Variants in SLC5A11 observed in about 807,000 individuals in gnomAD.
SLC5A11 encodes the protein sodium/myo-inositol cotransporter 2.
A neutral mutation model predicts 69.8 loss-of-function variants in SLC5A11; 48 were observed. The observed-to-expected ratio is 0.69, with a 90% CI of 0.55 to 0.87. SLC5A11 has a LOEUF of 0.87. Among genes scored for constraint, SLC5A11 ranks in the 40% least tolerant of loss-of-function variants. The pLI is 0.00. For missense variants in SLC5A11, 784 were observed against 866.1 expected (o/e 0.91, Z 1.19); for synonymous variants, 319 against 342.4 (o/e 0.93, Z 0.75).
At chr16:24,901,958 G>GCACACA (rs56126191) in intron 10 of SLC5A11, among the ~76,000 whole-genome samples, 1,526 of 136,626 alleles carry the variant, frequency 0.011, 25 homozygotes, top group African/African-American at 0.034. Context: ...ACACACACAC[G>GCACACA]CACACACACA....
At chr16:24,890,881 T>C (rs1344561423) in exon 9 of SLC5A11, 1 of 1,613,974 alleles carries the variant, frequency 6.2e-7, no homozygotes, top group African/African-American at 1.3e-5. Flanking sequence ...TTCGCCGCGG[T>C]TGGTGGGATG....
chr16:24,874,645 G>A (rs910760644), intron 5 of SLC5A11, among the ~76,000 whole-genome samples: 8 of 151,980 alleles, frequency 5.3e-5, no homozygotes, highest in African/African-American at 9.7e-5. Context: ...TGCAACCTCC[G>A]CCTACCTGGG....
In SLC5A11 at chr16:24,862,854, G is replaced by C. The variant is rs530698220; in HGVS notation, c.207+182G>C. Among the ~76,000 whole-genome samples, 7 of 148,396 alleles carry C rather than the reference G, an allele frequency of 4.7e-5. No homozygotes were observed. In the South Asian group the frequency reaches 1.1e-3, roughly 22 times the overall value. On this transcript the variant is annotated intron_variant, in intron 3 of 15. Transcript: ENST00000347898. ...AAACAACAACAAAAAAAAACAATTT[G>C]TCACCTCATCTAAGGGAAAAATCTG...
chr16:24,855,707 A>T (rs570629433), intron 1 of SLC5A11, among the ~76,000 whole-genome samples: 2 of 151,904 alleles, frequency 1.3e-5, no homozygotes, highest in South Asian at 4.1e-4. Flanking sequence ...AAAATAAAAC[A>T]AAAAGGCTTG....
At chr16:24,877,889 C>A (rs1467091964) in intron 7 of SLC5A11, among the ~76,000 whole-genome samples, 14 of 152,236 alleles carry the variant, frequency 9.2e-5, no homozygotes, top group Non-Finnish European at 1.5e-5. Context: ...GAGGCCGAGG[C>A]AGGAGAATCA....
chr16:24,848,429 C>T (rs1047018033), intron 1 of SLC5A11, among the ~76,000 whole-genome samples: 2 of 152,076 alleles, frequency 1.3e-5, no homozygotes, highest in African/African-American at 4.8e-5. Context: ...GGCAACATAG[C>T]AAGACCCCGT....
intron 8 of SLC5A11, among the ~76,000 whole-genome samples, chr16:24,890,387 A>G (rs138329350): frequency 0.013 from 1,888 of 150,020 alleles, 48 homozygotes; most frequent in African/African-American, 0.044. Context: ...AGGAGGCTGA[A>G]GCAGGAGAAT....
At chr16:24,875,765 C>A in intron 6 of SLC5A11, 34 bp downstream of exon 7, 1 of 1,534,120 alleles carries the variant, frequency 6.5e-7, no homozygotes, top group Non-Finnish European at 9.0e-7. Context: ...CTCACCCATG[C>A]AGCATGGGGA....
At chr16:24,855,808 C>T (rs1374565804) in intron 1 of SLC5A11, among the ~76,000 whole-genome samples, 4 of 152,210 alleles carry the variant, frequency 2.6e-5, no homozygotes, top group Non-Finnish European at 5.9e-5. Flanking sequence ...GACACTGAAT[C>T]TGCTGACAGC....
chr16:24,906,277 G>T lies in SLC5A11; in HGVS notation c.1007-380G>T, dbSNP rs191899848. Among the ~76,000 whole-genome samples the T allele has an allele frequency of 5.3e-5, 8 of 151,162 alleles. No homozygotes were observed. In the East Asian group the frequency reaches 7.8e-4, roughly 15 times the overall value. On this transcript the variant is annotated intron_variant, in intron 10 of 15. Transcript: ENST00000347898. Reference sequence around the variant, plus strand: ...AATCACTTGAACCTGGGAAGCAGAGGTTGCAGTGAGCTGAGATCGTGCCAC... The same window carrying T: ...AATCACTTGAACCTGGGAAGCAGAGTTTGCAGTGAGCTGAGATCGTGCCAC...
chr16:24,854,064 G>A (rs1425254706), intron 1 of SLC5A11, among the ~76,000 whole-genome samples: 1 of 152,058 alleles, frequency 6.6e-6, no homozygotes, highest in Non-Finnish European at 1.5e-5. Flanking sequence ...GCCCCACGGC[G>A]ATGATGAATA....
intron 8 of SLC5A11, among the ~76,000 whole-genome samples, chr16:24,885,294 G>GA (rs1167059326): frequency 6.6e-6 from 1 of 151,384 alleles, no homozygotes; most frequent in African/African-American, 2.4e-5. Flanking sequence ...GTTAAGCGGG[G>GA]GACACTACTC....
At chr16:24,858,752 C>T (rs1200046180) in exon 2 of SLC5A11, 3 of 1,611,624 alleles carry the variant, frequency 1.9e-6, no homozygotes, top group Non-Finnish European at 2.5e-6. Flanking sequence ...TCTGTACTTC[C>T]TCTTTGTCCT....
chr16:24,879,333 A>G (rs2047895218), intron 7 of SLC5A11, among the ~76,000 whole-genome samples: 2 of 152,116 alleles, frequency 1.3e-5, no homozygotes, highest in South Asian at 2.1e-4. Flanking sequence ...ATAGTACCCA[A>G]TGGGTAGTTT....
At chr16:24,860,458 AAAAT>A (rs2059718828) in intron 2 of SLC5A11, among the ~76,000 whole-genome samples, 1 of 152,142 alleles carries the variant, frequency 6.6e-6, no homozygotes, top group Non-Finnish European at 1.5e-5. Context: ...ATCCGTCTCA[AAAAT>A]AAATAAATAA....
In SLC5A11 at chr16:24,857,281, C is replaced by A. The variant is rs1032635791; in HGVS notation, c.-24-1339C>A. Among the ~76,000 whole-genome samples the A allele has an allele frequency of 3.3e-5, 5 of 152,292 alleles. 1 individual carries two copies. The highest frequency in any genetic ancestry group is 1.3e-4 in the Admixed American group (2 of 15,290). On this transcript the variant is annotated intron_variant, in intron 1 of 15. Coordinates refer to ENST00000347898, the Ensembl canonical transcript of SLC5A11. ...GATCAAGTATTTTCATTCCGGAATG[C>A]CCAAAGGCCAACAGAGTGGAGTTGC...
chr16:24,910,173 G>T, intron 14 of SLC5A11, 133 bp from the exon 16 acceptor site: 1 of 735,796 alleles, frequency 1.4e-6, no homozygotes. Context: ...GGAGGATGGG[G>T]TGGGAGGGTG....
chr16:24,864,007 A>G (rs144186575), intron 3 of SLC5A11, among the ~76,000 whole-genome samples: 175 of 152,348 alleles, frequency 1.1e-3, no homozygotes, highest in Admixed American at 1.8e-3. Context: ...CCCTAGACAC[A>G]TTTGTAGAAA....
chr16:24,890,483 C>CAAAAAAAAA (rs1171814653), intron 8 of SLC5A11, among the ~76,000 whole-genome samples: 12 of 77,530 alleles, frequency 1.5e-4, no homozygotes, highest in East Asian at 9.4e-4. Flanking sequence ...GACTTCATAT[C>CAAAAAAAAA]AAAAAAAAAA....
Sources: gnomAD v4.1 joint callset for allele counts (sites outside exome capture counted in the v4.1 genomes callset) on GRCh38, gnomAD v4.1.1 for gene constraint, MANE v1.5 for transcripts, NCBI Gene and HGNC (gene_info 2026-07-23, HGNC 2026-07-21) for gene names.